LRFN5: variants seen among roughly 807,000 people sequenced by gnomAD.
The protein encoded by LRFN5 is leucine rich repeat and fibronectin type III domain containing 5.
LRFN5 carries 24 observed loss-of-function variants against 45.6 expected under a neutral mutation model. That is an observed-to-expected ratio of 0.53 (90% CI 0.38 to 0.74). The LOEUF is 0.74. LRFN5 is among the 30% of genes least tolerant of loss of function. The pLI is 0.00. For synonymous variants in LRFN5, 340 were observed against 313.8 expected (o/e 1.08, Z -0.88); for missense variants, 776 against 861.5 (o/e 0.90, Z 1.24).
chr14:41,673,778 G>T (rs1384366875), intron 1 of LRFN5, among the ~76,000 whole-genome samples: 2 of 147,144 alleles, frequency 1.4e-5, no homozygotes, highest in East Asian at 2.1e-4. Flanking sequence ...TCCCGGACGG[G>T]GCGGCTGGCC....
intron 2 of LRFN5, among the ~76,000 whole-genome samples, chr14:41,861,453 T>A (rs981432695): frequency 3.3e-5 from 5 of 152,224 alleles, no homozygotes; most frequent in Non-Finnish European, 4.4e-5. Context: ...TGCTATCATG[T>A]ATTTTGATGT....
chr14:41,790,079 G>A (rs976229703), intron 2 of LRFN5, among the ~76,000 whole-genome samples: 13 of 151,946 alleles, frequency 8.6e-5, no homozygotes, highest in South Asian at 2.1e-4. Context: ...TGGAATTTTC[G>A]TTGTGGAAGA....
chr14:41,733,744 A>G lies in LRFN5; in HGVS notation c.-196-33110A>G, dbSNP rs1017524732. ...GAATACATTAAAAAGCAATTACTCT[A>G]AAAGCTAATATCATTGTAACTCTGG... On this transcript the variant is annotated intron_variant, in intron 1 of 5. Transcript: ENST00000298119. 2.6e-5 allele frequency: 4 copies of G among 152,056 alleles called. No homozygotes were observed. The East Asian group carries it at 7.7e-4, about 29-fold the overall frequency. 9.4% of individuals were successfully genotyped at this position (152,056 alleles called of 1,614,324 possible). A position where few individuals can be genotyped will look rare whatever the true frequency, so the allele number is the denominator to read the frequency against.
At chr14:41,868,745 A>G (rs957755974) in intron 2 of LRFN5, among the ~76,000 whole-genome samples, 5 of 152,224 alleles carry the variant, frequency 3.3e-5, no homozygotes, top group African/African-American at 1.2e-4. Flanking sequence ...TCAATATTTT[A>G]AGCCATTTAA....
chr14:41,716,316 C>G (rs931263010), intron 1 of LRFN5, among the ~76,000 whole-genome samples: 1 of 152,182 alleles, frequency 6.6e-6, no homozygotes, highest in Non-Finnish European at 1.5e-5. Context: ...TTGGATTTCT[C>G]CTCAGAAAAT....
intron 1 of LRFN5, among the ~76,000 whole-genome samples, chr14:41,625,485 C>T (rs6572100): frequency 0.83 from 126,551 of 152,124 alleles, 53,031 homozygotes; most frequent in African/African-American, 0.94. Flanking sequence ...GTTAAACCTC[C>T]TTATAAATTA....
rs1260336826 is a variant in LRFN5, at chr14:41,772,063, A to T, written c.-21+5034A>T. On this transcript the variant is annotated intron_variant, in intron 2 of 5. Coordinates refer to ENST00000298119, the MANE Select transcript of LRFN5 (RefSeq NM_152447.5). ...GCCTTAGGAAGCTTACCGTCATGGC[A>T]GAAGGCAAAGCAGTACCCAGCAGGT... is the stretch of plus-strand genomic sequence containing the variant. Among the ~76,000 whole-genome samples the T allele has an allele frequency of 2.0e-5, 3 of 152,204 alleles. No individual in the cohort carries two copies. In the East Asian group the frequency reaches 5.8e-4, roughly 29 times the overall value.
At chr14:41,800,160 A>C (rs1887276120) in intron 2 of LRFN5, among the ~76,000 whole-genome samples, 1 of 152,042 alleles carries the variant, frequency 6.6e-6, no homozygotes, top group Non-Finnish European at 1.5e-5. Flanking sequence ...TTAAAATTTC[A>C]AGTTGCATCA....
chr14:41,687,878 G>A (rs1882191955), intron 1 of LRFN5, among the ~76,000 whole-genome samples: 1 of 152,092 alleles, frequency 6.6e-6, no homozygotes, highest in African/African-American at 2.4e-5. Context: ...AACCACTAGA[G>A]CACACGTATA....
intron 2 of LRFN5, among the ~76,000 whole-genome samples, chr14:41,823,443 T>TATATG (rs1888194027): frequency 7.8e-5 from 7 of 89,438 alleles, no homozygotes; most frequent in Admixed American, 6.5e-4. Flanking sequence ...ATATCTATAT[T>TATATG]TGATTTTAAA....
chr14:41,636,051 AT>A (rs1594569901), intron 1 of LRFN5, among the ~76,000 whole-genome samples: 2 of 152,142 alleles, frequency 1.3e-5, no homozygotes, highest in East Asian at 3.9e-4. Context: ...CACCTGAAAT[AT>A]TTTAAAGATA....
At chr14:41,891,124 C>A in intron 3 of LRFN5, 126 bp from the exon 4 acceptor site, 1 of 767,190 alleles carries the variant, frequency 1.3e-6, no homozygotes, top group Non-Finnish European at 2.1e-6. Context: ...GATCATTTTT[C>A]AATAATTCAT....
chr14:41,782,524 T>A (rs956713789), intron 2 of LRFN5, among the ~76,000 whole-genome samples: 1 of 152,200 alleles, frequency 6.6e-6, no homozygotes, highest in Non-Finnish European at 1.5e-5. Flanking sequence ...CATATTTGAA[T>A]CTTGTTGTGA....
intron 1 of LRFN5, among the ~76,000 whole-genome samples, chr14:41,715,975 G>T (rs1484208327): frequency 6.6e-6 from 1 of 152,180 alleles, no homozygotes; most frequent in East Asian, 1.9e-4. Flanking sequence ...CTAGGTGGAG[G>T]TTCCCAAACT....
chr14:41,780,562 G>T (rs922910613), intron 2 of LRFN5, among the ~76,000 whole-genome samples: 2 of 151,430 alleles, frequency 1.3e-5, no homozygotes, highest in Admixed American at 6.6e-5. Flanking sequence ...TTTAATCAAT[G>T]TGTTCTTAAT....
At chr14:41,691,702 A>T (rs1566623393) in intron 1 of LRFN5, among the ~76,000 whole-genome samples, 1 of 152,092 alleles carries the variant, frequency 6.6e-6, no homozygotes, top group Non-Finnish European at 1.5e-5. Context: ...CCACCACACT[A>T]TACAACATAT....
At chr14:41,795,241 C>CA (rs1482376137) in intron 2 of LRFN5, among the ~76,000 whole-genome samples, 2 of 152,032 alleles carry the variant, frequency 1.3e-5, no homozygotes, top group Non-Finnish European at 2.9e-5. Context: ...CATCTCACAC[C>CA]AGTTAGAATG....
At chr14:41,733,278 T>G (rs777912427) in intron 1 of LRFN5, among the ~76,000 whole-genome samples, 29 of 152,034 alleles carry the variant, frequency 1.9e-4, no homozygotes, top group Non-Finnish European at 4.0e-4. Context: ...AAATACATTA[T>G]ATAATCAAAC....
intron 1 of LRFN5, among the ~76,000 whole-genome samples, chr14:41,729,169 G>T (rs1884061598): frequency 6.6e-6 from 1 of 152,146 alleles, no homozygotes; most frequent in Non-Finnish European, 1.5e-5. Flanking sequence ...GGAGCTTTGT[G>T]GGAGGTGGTT....
Sources: gnomAD v4.1 joint callset for allele counts (sites outside exome capture counted in the v4.1 genomes callset) on GRCh38, gnomAD v4.1.1 for gene constraint, MANE v1.5 for transcripts, NCBI Gene and HGNC (gene_info 2026-07-23, HGNC 2026-07-21) for gene names.